The following AFF1 variants were observed in gnomAD, a reference collection of about 807,000 sequenced individuals.
The protein encoded by AFF1 is ALF transcription elongation factor 1, also known as AF4/FMR2 family member 1.
Under a neutral mutation model 121.7 loss-of-function variants are expected in AFF1, and 48 were observed. The ratio of observed to expected loss-of-function variants is 0.39; its 90% CI spans 0.31 to 0.50. The LOEUF is 0.50. AFF1 is among the 20% of genes least tolerant of loss of function. The pLI, the probability that AFF1 is intolerant of heterozygous loss-of-function variation, is 0.76. For synonymous variants in AFF1, 613 were observed against 563.0 expected, an observed-to-expected ratio of 1.09 and a Z score of -1.26; for missense variants, 1,523 against 1,511.7, an observed-to-expected ratio of 1.01 and a Z score of -0.12.
At chr4:87,054,439 G>A (rs767849) in intron 4 of AFF1, among the ~76,000 whole-genome samples, 2,845 of 152,278 alleles carry the variant, frequency 0.019, 30 homozygotes, top group Non-Finnish European at 0.029. Flanking sequence ...CTTTTCCTCC[G>A]TAGCTCATGT....
chr4:87,004,356 T>A (rs555415015), intron 2 of AFF1, among the ~76,000 whole-genome samples: 1 of 152,226 alleles, frequency 6.6e-6, no homozygotes, highest in Admixed American at 6.5e-5. Flanking sequence ...ATTTTAGATA[T>A]TATTTACTAC....
chr4:87,060,609 C>T (rs1454354098), intron 4 of AFF1, among the ~76,000 whole-genome samples: 19 of 151,932 alleles, frequency 1.3e-4, no homozygotes, highest in Admixed American at 3.9e-4. Flanking sequence ...GAGGCTGAGG[C>T]GGGTGGATCA....
chr4:87,115,623 T>TTTTTTTTTTTTTC (rs1727033904), intron 12 of AFF1, among the ~76,000 whole-genome samples: 1 of 136,718 alleles, frequency 7.3e-6, no homozygotes, highest in African/African-American at 2.7e-5. Flanking sequence ...TTTTTTTTTT[T>TTTTTTTTTTTTTC]TTCCAAAGAC....
At chr4:86,978,293 C>T (rs1007212737) in intron 2 of AFF1, among the ~76,000 whole-genome samples, 4 of 143,662 alleles carry the variant, frequency 2.8e-5, no homozygotes, top group Non-Finnish European at 6.0e-5. Flanking sequence ...AAGCGATTCT[C>T]CTGCCTCAGC....
intron 2 of AFF1, among the ~76,000 whole-genome samples, chr4:87,011,298 T>C (rs1726735094): frequency 1.3e-5 from 2 of 152,108 alleles, no homozygotes; most frequent in African/African-American, 4.8e-5. Context: ...TCTCCCACAG[T>C]TTTTAACTTT....
chr4:86,960,738 C>T (rs578136691), intron 2 of AFF1, among the ~76,000 whole-genome samples: 2 of 152,146 alleles, frequency 1.3e-5, no homozygotes, highest in Non-Finnish European at 2.9e-5. Context: ...AGTAAACTCT[C>T]GTTGTGTAGT....
At chr4:87,092,005 C>T (rs1206733050) in intron 7 of AFF1, among the ~76,000 whole-genome samples, 176 bp downstream of exon 7, 1 of 152,174 alleles carries the variant, frequency 6.6e-6, no homozygotes, top group Non-Finnish European at 1.5e-5. Flanking sequence ...AATTGTTGAC[C>T]AGGCGCAGTG....
At chr4:86,947,464 A>G (rs1262541081) in intron 1 of AFF1, among the ~76,000 whole-genome samples, 6 of 152,234 alleles carry the variant, frequency 3.9e-5, no homozygotes, top group Non-Finnish European at 7.3e-5. Context: ...AGCCTCTTAA[A>G]CAGAGGCAAG....
rs1578159731 is a variant in AFF1 at position 87,056,919 on chromosome 4, T to A, written c.1059+9325T>A. On this transcript the variant is annotated intron_variant, in intron 4 of 20. Coordinates refer to ENST00000395146, the MANE Select transcript of AFF1 (RefSeq NM_001166693.3). ...CCCATGTGGTAGGGTACTGTTACCA[T>A]CCTGTTTTACTGAGAGATTTAGAGG... Among the ~76,000 whole-genome samples the A allele has an allele frequency of 4.6e-5, 7 of 152,330 alleles. No individual in the cohort carries two copies. In the South Asian group the frequency reaches 1.5e-3, roughly 32 times the overall value.
chr4:87,091,021 CAAAAAAAAAAAAA>C (rs72486264), intron 6 of AFF1, among the ~76,000 whole-genome samples: 2 of 64,844 alleles, frequency 3.1e-5, no homozygotes, highest in East Asian at 5.1e-4. Context: ...TCTCTACCAC[CAAAAAAAAAAAAA>C]AAAAAAAAAA....
intron 2 of AFF1, among the ~76,000 whole-genome samples, chr4:86,989,810 A>G (rs1161162786): frequency 6.6e-6 from 1 of 152,242 alleles, no homozygotes; most frequent in Non-Finnish European, 1.5e-5. Flanking sequence ...GATAAAGAAA[A>G]TACGGCACGT....
chr4:87,133,260 A>C (rs573776451), intron 19 of AFF1, among the ~76,000 whole-genome samples: 1 of 152,310 alleles, frequency 6.6e-6, no homozygotes, highest in South Asian at 2.1e-4. Flanking sequence ...TCCTTGTACA[A>C]GTGTTTTTAA....
At chr4:86,948,381 T>C (rs922515045) in intron 1 of AFF1, 117 bp from the exon 2 acceptor site, 4 of 648,790 alleles carry the variant, frequency 6.2e-6, no homozygotes, top group African/African-American at 5.5e-5. Context: ...AGAACCATTT[T>C]CTAATTCAAA....
At chr4:87,002,429 T>G (rs796353223) in intron 2 of AFF1, among the ~76,000 whole-genome samples, 3 of 140,928 alleles carry the variant, frequency 2.1e-5, no homozygotes, top group Middle Eastern at 6.9e-3. Context: ...AATGAAGTTT[T>G]TTTTTTTTTT....
chr4:86,984,471 G>A (rs950607397), intron 2 of AFF1, among the ~76,000 whole-genome samples: 4 of 151,860 alleles, frequency 2.6e-5, no homozygotes, highest in Admixed American at 6.6e-5. Context: ...CTAGGCGCAC[G>A]TCACCATGTG....
rs1560666401 is a variant in AFF1, at chr4:87,134,332, A to G, written c.3312-139A>G. 6 of 769,074 alleles carry G rather than the reference A, an allele frequency of 7.8e-6. No homozygotes were observed. In the East Asian group the frequency reaches 1.0e-4, roughly 13 times the overall value. The allele number at this position is 769,074 out of a possible 1,614,324, so 47.6% of individuals were successfully genotyped here. A position where few individuals can be genotyped will look rare whatever the true frequency, so the allele number is the denominator to read the frequency against. ...GTGTCTCGTTGACCTTGTAGGAGTG[A>G]CTTTAGCAGTGGTTATCATTTTGGC... On this transcript the variant is annotated intron_variant, in intron 19 of 20. Coordinates refer to ENST00000395146, the MANE Select transcript of AFF1 (RefSeq NM_001166693.3).
At chr4:87,068,760 T>C (rs751981417) in intron 4 of AFF1, among the ~76,000 whole-genome samples, 8 of 152,196 alleles carry the variant, frequency 5.3e-5, no homozygotes, top group Admixed American at 2.6e-4. Context: ...CTGCTTCTTA[T>C]GGCTCAGTAC....
intron 2 of AFF1, among the ~76,000 whole-genome samples, chr4:87,017,158 G>T (rs1727387366): frequency 7.9e-6 from 1 of 126,272 alleles, no homozygotes. Flanking sequence ...TGGGTCCTAT[G>T]ATAGTTTTTT....
At chr4:87,098,099 G>A (rs146095856) in intron 8 of AFF1, among the ~76,000 whole-genome samples, 136 of 152,302 alleles carry the variant, frequency 8.9e-4, no homozygotes, top group Non-Finnish European at 1.6e-3. Context: ...GAGGACTTGG[G>A]AATCCTTAGA....
Sources: gnomAD v4.1 joint callset for allele counts (sites outside exome capture counted in the v4.1 genomes callset) on GRCh38, gnomAD v4.1.1 for gene constraint, MANE v1.5 for transcripts, NCBI Gene and HGNC (gene_info 2026-07-23, HGNC 2026-07-21) for gene names.